Variants in ITGA9 observed in about 807,000 individuals in gnomAD.
ITGA9 encodes the protein integrin subunit alpha 9, also known as integrin alpha-9.
A neutral mutation model predicts 127.8 loss-of-function variants in ITGA9; 56 were observed. The observed-to-expected ratio is 0.44, with a 90% confidence interval of 0.35 to 0.55. The LOEUF (loss-of-function observed/expected upper bound fraction) is 0.55, where lower values mean the gene tolerates loss of function less well. Ranked by LOEUF, ITGA9 falls within the 20% of genes least tolerant of loss-of-function variation. The pLI, the probability that ITGA9 is intolerant of heterozygous loss-of-function variation, is 0.00. For synonymous variants in ITGA9, 508 were observed against 514.5 expected (o/e 0.99, Z 0.17); for missense variants, 1,196 against 1,347.1 (o/e 0.89, Z 1.76).
intron 17 of ITGA9, among the ~76,000 whole-genome samples, chr3:37,657,487 T>G (rs1484587217): frequency 6.6e-6 from 1 of 152,206 alleles, no homozygotes; most frequent in African/African-American, 2.4e-5. Context: ...TAGAAGTGTT[T>G]ATAGTATTCT....
intron 19 of ITGA9, among the ~76,000 whole-genome samples, chr3:37,736,187 C>A (rs1020730295): frequency 6.6e-6 from 1 of 152,178 alleles, no homozygotes; most frequent in Admixed American, 6.5e-5. Flanking sequence ...TCTCCACATA[C>A]CATCACATAG....
At chr3:37,787,821 G>A (rs1697059728) in intron 26 of ITGA9, among the ~76,000 whole-genome samples, 1 of 152,178 alleles carries the variant, frequency 6.6e-6, no homozygotes, top group Non-Finnish European at 1.5e-5. Context: ...AATTGTTATG[G>A]CCTTGGAAGG....
intron 15 of ITGA9, among the ~76,000 whole-genome samples, chr3:37,561,991 GT>G (rs1314411342): frequency 6.6e-6 from 1 of 152,206 alleles, no homozygotes; most frequent in Non-Finnish European, 1.5e-5. Flanking sequence ...CTCCCCACCT[GT>G]ATAGAATGCC....
chr3:37,485,145 A>G (rs1265087831), intron 4 of ITGA9, among the ~76,000 whole-genome samples: 1 of 152,138 alleles, frequency 6.6e-6, no homozygotes, highest in Non-Finnish European at 1.5e-5. Context: ...ATTTCCTGCC[A>G]GTGTGTACTG....
intron 19 of ITGA9, among the ~76,000 whole-genome samples, chr3:37,735,928 A>G (rs1696355710): frequency 6.6e-6 from 1 of 152,220 alleles, no homozygotes; most frequent in Non-Finnish European, 1.5e-5. Context: ...TTTAAACAAC[A>G]GACATGTATT....
At chr3:37,603,713 G>A (rs150732706) in intron 15 of ITGA9, among the ~76,000 whole-genome samples, 7 of 152,334 alleles carry the variant, frequency 4.6e-5, no homozygotes, top group Admixed American at 4.6e-4. Flanking sequence ...CCTATACCCA[G>A]TGTGCCAGAC....
At chr3:37,674,151 T>C (rs1374712505) in intron 17 of ITGA9, among the ~76,000 whole-genome samples, 1 of 152,154 alleles carries the variant, frequency 6.6e-6, no homozygotes, top group Non-Finnish European at 1.5e-5. Flanking sequence ...TTGGCGTAGA[T>C]TATTAAAGAA....
chr3:37,481,940 T>C (rs1003155427), intron 4 of ITGA9, among the ~76,000 whole-genome samples: 5 of 152,242 alleles, frequency 3.3e-5, no homozygotes, highest in African/African-American at 1.2e-4. Context: ...TTTCTGGTAA[T>C]GCCAGGTGCT....
At chr3:37,512,120 C>CCTTCCTTCCTTCTTTTCTTTTCTTTTCT (rs1698929069) in intron 8 of ITGA9, among the ~76,000 whole-genome samples, 1 of 39,466 alleles carries the variant, frequency 2.5e-5, no homozygotes, top group Non-Finnish European at 4.7e-5. Context: ...TTCCTTCCTT[C>CCTTCCTTCCTTCTTTTCTTTTCTTTTCT]TTTCTTTTCT....
At chr3:37,748,761 A>AG in intron 22 of ITGA9, 1 of 637,650 alleles carries the variant, frequency 1.6e-6, no homozygotes, top group East Asian at 2.8e-5. Context: ...AAAAAAAAAA[A>AG]AAAAAAGAAG....
intron 23 of ITGA9, among the ~76,000 whole-genome samples, chr3:37,777,183 G>A (rs971063972): frequency 2.6e-5 from 4 of 152,034 alleles, no homozygotes; most frequent in Non-Finnish European, 4.4e-5. Context: ...AATTATTGGG[G>A]GACCTAAGAT....
At chr3:37,703,513 G>T (rs574710761) in intron 18 of ITGA9, among the ~76,000 whole-genome samples, 1 of 152,236 alleles carries the variant, frequency 6.6e-6, no homozygotes, top group East Asian at 1.9e-4. Flanking sequence ...TTTGGCTATT[G>T]TGTATCATTC....
In ITGA9 at chr3:37,743,991, A is replaced by G; in HGVS notation, c.2390A>G (p.Asp797Gly). 2 of 1,614,086 alleles carry G rather than the reference A, an allele frequency of 1.2e-6. No homozygotes were observed. Among genetic ancestry groups the G allele is most frequent in the Non-Finnish European group, 1.7e-6 (2 of 1,179,980 alleles). Residue 797 changes from aspartate (D) to glycine (G), a missense_variant, in exon 22 of 28, where the codon GAT becomes GGT. By Grantham distance (94) the Asp-to-Gly change is moderately conservative. Coordinates refer to ENST00000264741, the MANE Select transcript of ITGA9 (RefSeq NM_002207.3). ...GACGCAGCCAACTTCATTCAGCTGG[A>G]TGACCTGGAGTGTCACTTTCAGCCC... ...SVDAANFIQL[D>G]DLECHFQPIN...
intron 15 of ITGA9, among the ~76,000 whole-genome samples, chr3:37,556,810 C>T (rs908951713): frequency 6.6e-6 from 1 of 152,234 alleles, no homozygotes; most frequent in Non-Finnish European, 1.5e-5. Context: ...ATGCCTCTCT[C>T]CTCACACTGA....
At chr3:37,456,540 T>C (rs773728981) in intron 1 of ITGA9, among the ~76,000 whole-genome samples, 64 of 152,228 alleles carry the variant, frequency 4.2e-4, no homozygotes, top group Non-Finnish European at 5.6e-4. Flanking sequence ...CGTCCCCTCC[T>C]CCTTCTCTGC....
chr3:37,578,079 A>G (rs1233704051), intron 15 of ITGA9, among the ~76,000 whole-genome samples: 2 of 152,162 alleles, frequency 1.3e-5, no homozygotes, highest in Non-Finnish European at 2.9e-5. Context: ...AAAGTTTGAT[A>G]TTTTTAGTTC....
Position 37,721,467 on chromosome 3 carries a change from A to G in ITGA9, c.2068-11245A>G, listed in dbSNP as rs536202063. 3.3e-5 allele frequency among the ~76,000 whole-genome samples: 5 copies of G among 152,266 alleles called. No homozygotes were observed. In the East Asian group the frequency reaches 7.7e-4, roughly 24 times the overall value. On this transcript the variant is annotated intron_variant, in intron 18 of 27. Transcript: ENST00000264741. ...AGAGGAATTTTGCATTAGCAGTTAC[A>G]TGGTTCATCTGCCTCAAACATTTGT...
In ITGA9 at chr3:37,743,446, G is replaced by A. The variant is rs560826496; in HGVS notation, c.2325-480G>A. ...AAAATGCTATCAATGAACGGATTCA[G>A]CTTTCAAATGCCTAACTTCTAGTCA... On this transcript the variant is annotated intron_variant, in intron 21 of 27. Coordinates refer to ENST00000264741, the MANE Select transcript of ITGA9 (RefSeq NM_002207.3). 3.3e-5 allele frequency among the ~76,000 whole-genome samples: 5 copies of A among 152,296 alleles called. No homozygotes were observed. In the South Asian group the frequency reaches 1.0e-3, roughly 32 times the overall value.
Position 37,712,969 on chromosome 3 carries a change from G to A in ITGA9, c.2068-19743G>A, listed in dbSNP as rs145544162. On this transcript the variant is annotated intron_variant, in intron 18 of 27. Coordinates refer to ENST00000264741, the MANE Select transcript of ITGA9 (RefSeq NM_002207.3). Reference sequence around the variant, plus strand: ...AGAGCAGGCAAGTAGCTTGGCCAGAGTCTCACAGATAATAGCAGGTGCAGA... The same window carrying A: ...AGAGCAGGCAAGTAGCTTGGCCAGAATCTCACAGATAATAGCAGGTGCAGA... Among the ~76,000 whole-genome samples the A allele has an allele frequency of 9.1e-3, 1,381 of 152,300 alleles. 19 individuals are homozygous for A. The highest frequency in any genetic ancestry group is 0.013 in the Non-Finnish European group (854 of 68,020).
Sources: allele counts gnomAD v4.1 joint callset (sites outside exome capture counted in the v4.1 genomes callset), GRCh38; gene constraint gnomAD v4.1.1; transcripts MANE v1.5; gene names NCBI Gene and HGNC (gene_info 2026-07-23, HGNC 2026-07-21).